The following CRAT variants were observed in gnomAD, a reference collection of about 807,000 sequenced individuals.
CRAT encodes the protein carnitine O-acetyltransferase, also known as carnitine acetylase.
A neutral mutation model predicts 73.7 loss-of-function variants in CRAT; 66 were observed. The observed-to-expected ratio is 0.90, with a 90% CI of 0.73 to 1.10. The LOEUF is 1.10. Ranked by LOEUF, CRAT falls within the 50% of genes least tolerant of loss-of-function variation. CRAT has a pLI of 0.00. For missense variants in CRAT, 745 were observed against 846.9 expected, an observed-to-expected ratio of 0.88 and a Z score of 1.49; for synonymous variants, 321 against 343.2, an observed-to-expected ratio of 0.94 and a Z score of 0.71.
chr9:129,107,322 G>A lies in CRAT; in HGVS notation c.291+492C>T. 1 of 390,412 alleles carries A rather than the reference G, an allele frequency of 2.6e-6. No individual in the cohort carries two copies. The highest frequency in any genetic ancestry group is 4.7e-6 in the Non-Finnish European group (1 of 212,128). The allele number at this position is 390,412 out of a possible 1,614,324, so 24.2% of individuals were successfully genotyped here. ...GCTGGGATTATAGGTGTGAGTCACT[G>A]CATCCAGCTGCCACTTTTTAAATCT... On this transcript the variant is annotated intron_variant, in intron 2 of 13. Transcript: ENST00000318080. This position sits in a 1 kb window ranked among gnomAD's most constrained non-coding sequence, Gnocchi z 5.0.
Position 129,102,407 on chromosome 9 carries a change from T to C in CRAT, c.623A>G (p.Asn208Ser). The C allele has an allele frequency of 6.2e-7, 1 of 1,614,088 alleles. No homozygotes were observed. Among genetic ancestry groups the C allele is most frequent in the Non-Finnish European group, 8.5e-7 (1 of 1,179,968 alleles). Residue 208 changes from asparagine (N) to serine (S), a missense_variant, in exon 5 of 14, where the codon AAC becomes AGC. Asn to Ser is a conservative substitution (Grantham distance 46). Transcript: ENST00000318080. Reference protein sequence around the residue: ...KPPTHITVVHNYQFFELDVYH... With the variant: ...KPPTHITVVHSYQFFELDVYH... ...TGGGTGGGGGCCACCCACCTGGTAG[T>C]TGTGTACCACGGTGATGTGCGTGGG...
rs1370195817 is a variant in CRAT, at chr9:129,098,519, G to A, written c.1205+12C>T. On this transcript the variant is annotated intron_variant, in intron 9 of 13. Coordinates refer to ENST00000318080, the MANE Select transcript of CRAT (RefSeq NM_000755.5). Reference sequence around the variant, plus strand: ...CCCATCCAGCACAGGGATGGCGGGGGCAGGCACTTACATGCTGAGGTTCTG... The same window carrying A: ...CCCATCCAGCACAGGGATGGCGGGGACAGGCACTTACATGCTGAGGTTCTG... The A allele has an allele frequency of 1.9e-6, 3 of 1,604,552 alleles. No individual in the cohort carries two copies. Among genetic ancestry groups the A allele is most frequent in the Admixed American group, 1.7e-5 (1 of 57,736 alleles).
chr9:129,097,153 G>T, intron 12 of CRAT, 97 bp downstream of exon 12: 1 of 1,094,742 alleles, frequency 9.1e-7, no homozygotes, highest in South Asian at 1.6e-5. Context: ...CCTAGCAAAG[G>T]GTTGGCAGCC....
intron 13 of CRAT, 110 bp downstream of exon 13, chr9:129,095,888 C>T (rs1847250294): frequency 2.0e-6 from 3 of 1,477,834 alleles, no homozygotes; most frequent in Non-Finnish European, 2.8e-6. Context: ...AGCTCCTCCT[C>T]TGGAACTCAG....
At position 129,110,659 on chromosome 9, in the gene CRAT, G is replaced by T; in HGVS notation, c.-150C>A. ...TTACAGCCGCCAGCCGGTAGAGGCA[G>T]CCCCGCGCCCACCCTCTGGGCCGAG... On this transcript the variant is annotated 5_prime_UTR_variant, in exon 1 of 14. The change creates a new upstream start codon in the 5' untranslated region. Coordinates refer to ENST00000318080, the MANE Select transcript of CRAT (RefSeq NM_000755.5). This position sits in a 1 kb window ranked among gnomAD's most constrained non-coding sequence, Gnocchi z 5.3. The T allele has an allele frequency of 1.0e-6, 1 of 968,982 alleles. No individual in the cohort carries two copies. The highest frequency in any genetic ancestry group is 1.4e-6 in the Non-Finnish European group (1 of 702,916). The allele number at this position is 968,982 out of a possible 1,614,324, so 60.0% of individuals were successfully genotyped here. A position where few individuals can be genotyped will look rare whatever the true frequency, so the allele number is the denominator to read the frequency against.
chr9:129,097,208 A>T, intron 12 of CRAT, 42 bp downstream of exon 12: 22 of 1,495,050 alleles, frequency 1.5e-5, no homozygotes, highest in Non-Finnish European at 1.9e-5. Flanking sequence ...CAGATGGCTG[A>T]CACTAAGGGA....
rs745669843 is a variant in CRAT, at chr9:129,099,960, C to T, written c.991G>A (p.Val331Met). 5.0e-6 allele frequency: 8 copies of T among 1,613,100 alleles called. No individual in the cohort carries two copies. The highest frequency in any genetic ancestry group is 2.2e-5 in the East Asian group (1 of 44,868). The change falls in exon 8 of 14, where the codon GTG becomes ATG. Residue 331 changes from valine to methionine, a missense_variant. Coordinates refer to ENST00000318080, the MANE Select transcript of CRAT (RefSeq NM_000755.5). ...AGCCCACAGGAGCCATCTTCTGCCA[C>T]GATGAACTGTGGAAGGGAAGGGAGA... is the stretch of plus-strand genomic sequence containing the variant. The part of the protein sequence containing the change: ...RWFDKTLQFI[V>M]AEDGSCGLVY...
At chr9:129,104,434 C>T in intron 2 of CRAT, 128 bp from the exon 3 acceptor site, 1 of 678,584 alleles carries the variant, frequency 1.5e-6, no homozygotes, top group East Asian at 2.8e-5. Flanking sequence ...AAGTAAATGC[C>T]TAGATCCAGA....
chr9:129,099,798 G>T, intron 8 of CRAT, 68 bp downstream of exon 8: 2 of 1,240,322 alleles, frequency 1.6e-6, no homozygotes, highest in Non-Finnish European at 2.3e-6. Context: ...CTATAAGCTG[G>T]TCTATCACCT....
chr9:129,103,687 C>G lies in CRAT; in HGVS notation c.410+501G>C, dbSNP rs1211531939. ...CCGGCCCTTCCCAGGGTACCCTGGT[C>G]CCTTTAAGAGAAGCAGGTGGTGGCA... On this transcript the variant is annotated intron_variant, in intron 3 of 13. Transcript: ENST00000318080. The surrounding 1 kb of genome is among the most constrained non-coding windows in gnomAD (Gnocchi z 4.6). Among the ~76,000 whole-genome samples the G allele has an allele frequency of 6.6e-6, 1 of 152,142 alleles. No individual in the cohort carries two copies. The highest frequency in any genetic ancestry group is 2.4e-5 in the African/African-American group (1 of 41,420).
At position 129,104,237 on chromosome 9, in the gene CRAT, C is replaced by T; in HGVS notation, c.361G>A (p.Gly121Ser). 1.9e-6 allele frequency: 3 copies of T among 1,613,350 alleles called. No homozygotes were observed. Among genetic ancestry groups the T allele is most frequent in the Non-Finnish European group, 2.5e-6 (3 of 1,179,722 alleles). Reference protein sequence around the residue: ...RQPVVIYSSPGVMLPKQDFVD... With the variant: ...RQPVVIYSSPSVMLPKQDFVD... ...AAGTCCTGCTTGGGTAGCATCACGCCTGGGCTCGAGTAGATGACCACAGGC... is the reference window on the plus strand; with the variant it reads ...AAGTCCTGCTTGGGTAGCATCACGCTTGGGCTCGAGTAGATGACCACAGGC... The change falls in exon 3 of 14, where the codon GGC (glycine) becomes AGC (serine). Residue 121 changes from glycine (G) to serine (S), a missense_variant. Transcript: ENST00000318080.
chr9:129,096,233 G>T, intron 12 of CRAT, 98 bp from the exon 13 acceptor site: 1 of 1,488,272 alleles, frequency 6.7e-7, no homozygotes, highest in Non-Finnish European at 9.2e-7. Context: ...CGCAGGCACT[G>T]GCCACTCAAA....
chr9:129,095,974 G>A lies in CRAT; in HGVS notation c.1665+24C>T, dbSNP rs202152496. 4.8e-5 allele frequency: 78 copies of A among 1,613,594 alleles called. 1 individual carries two copies. The East Asian group carries it at 6.7e-4, about 14-fold the overall frequency. Reference sequence around the variant, plus strand: ...AGTGGGTTCTCTGCCTCCAGCCCCCGGGGCACCTGGGGCAGTGGCCCACCT... The same window carrying A: ...AGTGGGTTCTCTGCCTCCAGCCCCCAGGGCACCTGGGGCAGTGGCCCACCT... On this transcript the variant is annotated intron_variant, in intron 13 of 13. Transcript: ENST00000318080.
At chr9:129,102,900 G>GCAGGGCC (rs1847776945) in intron 4 of CRAT, 113 bp downstream of exon 4, 18 of 996,426 alleles carry the variant, frequency 1.8e-5, no homozygotes, top group Admixed American at 1.0e-4. Context: ...AGCAGCTGGA[G>GCAGGGCC]CAGGGCCCAG....
chr9:129,101,565 G>A (rs537406384), intron 6 of CRAT, among the ~76,000 whole-genome samples: 12 of 152,366 alleles, frequency 7.9e-5, no homozygotes, highest in African/African-American at 2.6e-4. Flanking sequence ...TGAGCACAAA[G>A]GAGATTCATT....
intron 13 of CRAT, among the ~76,000 whole-genome samples, 179 bp downstream of exon 13, chr9:129,095,819 C>G (rs1045723482): frequency 3.9e-5 from 6 of 152,246 alleles, no homozygotes; most frequent in African/African-American, 1.4e-4. Context: ...GCTGATTCTC[C>G]CATGAGGAGC....
chr9:129,100,571 C>T lies in CRAT; in HGVS notation c.924G>A (p.Met308Ile). ...DVYRSHVAGQ[M>I]LHGGGSRLNS... ...TGAGCCTGCTGCCGCCCCCATGCAG[C>T]ATCTGGCCTGCCACGTGGCTGCGGT... is the stretch of plus-strand genomic sequence containing the variant. Residue 308 changes from methionine (M) to isoleucine (I), a missense_variant, in exon 7 of 14, where the codon ATG becomes ATA. Coordinates refer to ENST00000318080, the MANE Select transcript of CRAT (RefSeq NM_000755.5). 6.2e-7 allele frequency: 1 copy of T among 1,613,988 alleles called. No individual in the cohort carries two copies. The highest frequency in any genetic ancestry group is 1.1e-5 in the South Asian group (1 of 91,088).
In CRAT at chr9:129,099,969, G is replaced by A. The variant is rs1325889657; in HGVS notation, c.985-3C>T. The A allele has an allele frequency of 6.2e-7, 1 of 1,613,056 alleles. No homozygotes were observed. The highest frequency in any genetic ancestry group is 1.7e-5 in the Admixed American group (1 of 59,996). On this transcript the variant is annotated splice_polypyrimidine_tract_variant and splice_region_variant and intron_variant, in intron 7 of 13. Transcript: ENST00000318080. ...GAGCCATCTTCTGCCACGATGAACT[G>A]TGGAAGGGAAGGGAGACCCCGGTCA...
At position 129,099,118 on chromosome 9, in the gene CRAT, G is replaced by A. The variant is rs185029064; in HGVS notation, c.1086-468C>T. On this transcript the variant is annotated intron_variant, in intron 8 of 13. Coordinates refer to ENST00000318080, the MANE Select transcript of CRAT (RefSeq NM_000755.5). ...GCCTCTTGAGTAGCTGGGATTACAGGCACCCACCACCACGCGTGGCTAACT... is the reference window on the plus strand; with the variant it reads ...GCCTCTTGAGTAGCTGGGATTACAGACACCCACCACCACGCGTGGCTAACT... 4.6e-3 allele frequency among the ~76,000 whole-genome samples: 687 copies of A among 150,308 alleles called. 5 individuals carry two copies. The highest frequency in any genetic ancestry group is 0.015 in the African/African-American group (634 of 40,926).
Sources: allele counts gnomAD v4.1 joint callset (sites outside exome capture counted in the v4.1 genomes callset), GRCh38; gene constraint gnomAD v4.1.1; non-coding constraint Gnocchi (gnomAD v3.1); transcripts MANE v1.5; gene names NCBI Gene and HGNC (gene_info 2026-07-23, HGNC 2026-07-21).